Variants in SOX6 observed in about 807,000 individuals in gnomAD.
SOX6 encodes transcription factor SOX-6.
In SOX6, 11 loss-of-function variants were observed where a neutral mutation model predicts 97.8. That is an observed-to-expected ratio of 0.11 (90% CI 0.07 to 0.19). SOX6 has a LOEUF of 0.19. Among genes scored for constraint, SOX6 ranks in the 10% least tolerant of loss-of-function variants. The probability of loss-of-function intolerance (pLI) is 1.00; values close to 1 mark genes in which losing one functional copy is unlikely to be tolerated. For missense variants in SOX6, 810 were observed against 1,039.5 expected, an observed-to-expected ratio of 0.78 and a Z score of 3.04; for synonymous variants, 360 against 371.4, an observed-to-expected ratio of 0.97 and a Z score of 0.35.
chr11:16,022,891 C>T (rs957654165), intron 12 of SOX6, among the ~76,000 whole-genome samples: 3 of 152,154 alleles, frequency 2.0e-5, no homozygotes, highest in African/African-American at 4.8e-5. Context: ...TATGATCTGG[C>T]TCCTGCTCCC....
intron 6 of SOX6, among the ~76,000 whole-genome samples, chr11:16,137,490 C>T (rs1230788904): frequency 6.6e-6 from 1 of 152,018 alleles, no homozygotes; most frequent in Non-Finnish European, 1.5e-5. Flanking sequence ...GTAAGACACA[C>T]TGTATAATAA....
chr11:16,502,463 T>TAA lies in SOX6; in HGVS notation n.610-26077_610-26076dup, dbSNP rs35069723. Among the ~76,000 whole-genome samples the TAA allele has an allele frequency of 2.0e-3, 296 of 151,138 alleles. 1 individual carries two copies. Among genetic ancestry groups the TAA allele is most frequent in the African/African-American group, 6.6e-3 (271 of 41,050 alleles). On this transcript the variant is annotated intron_variant and non_coding_transcript_variant, in intron 4 of 5. Coordinates refer to the SOX6 transcript ENST00000524520. ...GTACCCTAAAATTTAAGTATAATAA[T>TAA]AAAAAAAATCCAGAAAAACAATTCA...
chr11:16,531,314 CA>C (rs1440906049), intron 4 of SOX6, among the ~76,000 whole-genome samples: 1 of 151,394 alleles, frequency 6.6e-6, no homozygotes, highest in Non-Finnish European at 1.5e-5. Flanking sequence ...AGTAGCTATC[CA>C]GTATTAAAAT....
intron 4 of SOX6, among the ~76,000 whole-genome samples, chr11:16,559,543 A>G (rs1847786049): frequency 6.6e-6 from 1 of 152,138 alleles, no homozygotes; most frequent in Non-Finnish European, 1.5e-5. Flanking sequence ...TGCCAACAAG[A>G]TAGGTGTGTT....
intron 3 of SOX6, among the ~76,000 whole-genome samples, chr11:16,278,511 C>A (rs16932876): frequency 6.6e-6 from 1 of 152,110 alleles, no homozygotes; most frequent in South Asian, 2.1e-4. Flanking sequence ...AGCGTAGACG[C>A]CAAGCTTTCT....
At chr11:16,407,292 G>T (rs2062813) in intron 1 of SOX6, among the ~76,000 whole-genome samples, 151,525 of 152,244 alleles carry the variant, frequency 1, 75,410 homozygotes, top group Middle Eastern at 1. Flanking sequence ...TGAAGTCCAA[G>T]CCCTATCACA....
At chr11:16,003,629 C>T (rs190955677) in intron 13 of SOX6, among the ~76,000 whole-genome samples, 283 of 152,160 alleles carry the variant, frequency 1.9e-3, no homozygotes, top group Admixed American at 4.6e-3. Context: ...CTTACTAATA[C>T]AGTACAGTGG....
intron 3 of SOX6, among the ~76,000 whole-genome samples, chr11:16,674,115 A>G (rs922670955): frequency 8.0e-5 from 11 of 136,932 alleles, no homozygotes; most frequent in Non-Finnish European, 9.1e-5. Flanking sequence ...GTGTGAACCC[A>G]GGAGGTGGAG....
intron 1 of SOX6, among the ~76,000 whole-genome samples, chr11:16,387,693 A>C (rs1324390549): frequency 6.6e-6 from 1 of 152,078 alleles, no homozygotes; most frequent in Admixed American, 6.5e-5. Flanking sequence ...CTCTTCTAAG[A>C]ATTAATGCAC....
chr11:16,253,616 G>T (rs1853586286), intron 3 of SOX6, among the ~76,000 whole-genome samples: 1 of 151,800 alleles, frequency 6.6e-6, no homozygotes, highest in Non-Finnish European at 1.5e-5. Context: ...CTAGTAGACT[G>T]GATATGACTA....
At chr11:16,387,277 T>C (rs1858017140) in intron 1 of SOX6, among the ~76,000 whole-genome samples, 2 of 152,166 alleles carry the variant, frequency 1.3e-5, no homozygotes, top group South Asian at 4.1e-4. Context: ...CAGTCAAGTT[T>C]GAGCATCAGG....
At chr11:16,281,844 T>C (rs2013142567) in intron 3 of SOX6, among the ~76,000 whole-genome samples, 1 of 151,620 alleles carries the variant, frequency 6.6e-6, no homozygotes, top group African/African-American at 2.4e-5. Context: ...TCCAAAAAAG[T>C]CATGGCTTTA....
chr11:16,161,228 CACA>C (rs1199695416), intron 6 of SOX6, among the ~76,000 whole-genome samples: 2 of 151,882 alleles, frequency 1.3e-5, no homozygotes, highest in Non-Finnish European at 2.9e-5. Context: ...TTGGCTCCAG[CACA>C]ACATTAGTAC....
chr11:16,339,104 C>G (rs1319053408), intron 2 of SOX6, among the ~76,000 whole-genome samples: 2 of 151,984 alleles, frequency 1.3e-5, no homozygotes, highest in Admixed American at 6.6e-5. Context: ...TACATTAATC[C>G]AAGCCATTCA....
At chr11:16,070,531 TG>T (rs1358395720) in intron 9 of SOX6, among the ~76,000 whole-genome samples, 3 of 151,538 alleles carry the variant, frequency 2.0e-5, no homozygotes, top group Non-Finnish European at 4.4e-5. Flanking sequence ...AGAAACAATG[TG>T]GGGAGAGGGG....
chr11:16,723,904 T>C lies in SOX6; in HGVS notation n.354-8999A>G, dbSNP rs189755729. ...CAACTAAATCCAAATCACAGAAGCA[T>C]AGTCAGATGAAGAAACTTGACGCCC... On this transcript the variant is annotated intron_variant and non_coding_transcript_variant, in intron 2 of 5. Coordinates refer to the SOX6 transcript ENST00000524520. Among the ~76,000 whole-genome samples, 63 of 152,336 alleles carry C rather than the reference T, an allele frequency of 4.1e-4. 1 individual carries two copies. Among genetic ancestry groups the C allele is most frequent in the Admixed American group, 3.8e-3 (58 of 15,296 alleles).
intron 4 of SOX6, among the ~76,000 whole-genome samples, chr11:16,537,970 A>G (rs539564364): frequency 6.6e-6 from 1 of 152,308 alleles, no homozygotes; most frequent in Non-Finnish European, 1.5e-5. Context: ...CAGGAAATAC[A>G]GAGAACACCA....
At chr11:16,402,561 G>T in intron 1 of SOX6, 2 of 1,234,632 alleles carry the variant, frequency 1.6e-6, no homozygotes, top group Non-Finnish European at 2.4e-6. Flanking sequence ...AAGCACACTG[G>T]AATCTCAGAG....
chr11:15,974,516 A>C (rs1357046046), intron 15 of SOX6, among the ~76,000 whole-genome samples: 1 of 145,980 alleles, frequency 6.9e-6, no homozygotes, highest in Non-Finnish European at 1.5e-5. Context: ...CATTAGGTAT[A>C]TCTCCCAATG....
Sources: gnomAD v4.1 joint callset for allele counts (sites outside exome capture counted in the v4.1 genomes callset) on GRCh38, gnomAD v4.1.1 for gene constraint, MANE v1.5 for transcripts, NCBI Gene and HGNC (gene_info 2026-07-23, HGNC 2026-07-21) for gene names.